PTPRD: variants seen among roughly 807,000 people sequenced by gnomAD.
PTPRD encodes receptor-type tyrosine-protein phosphatase delta.
PTPRD carries 34 observed loss-of-function variants against 214.5 expected under a neutral mutation model. The observed-to-expected ratio is 0.16, with a 90% confidence interval of 0.12 to 0.21. The LOEUF (loss-of-function observed/expected upper bound fraction) is 0.21. Among genes scored for constraint, PTPRD ranks in the 10% least tolerant of loss-of-function variants. PTPRD has a pLI of 1.00. For synonymous variants in PTPRD, 1,128 were observed against 845.7 expected (o/e 1.33, Z -5.79); for missense variants, 2,545 against 2,398.7 (o/e 1.06, Z -1.27).
intron 10 of PTPRD, among the ~76,000 whole-genome samples, chr9:9,159,099 C>T (rs1227307840): frequency 6.6e-6 from 1 of 152,186 alleles, no homozygotes; most frequent in Non-Finnish European, 1.5e-5. Flanking sequence ...TATCTAACTT[C>T]ACACTCAATA....
At chr9:10,210,522 G>A (rs2099510713) in intron 3 of PTPRD, among the ~76,000 whole-genome samples, 1 of 151,674 alleles carries the variant, frequency 6.6e-6, no homozygotes, top group Non-Finnish European at 1.5e-5. Context: ...CCAAGGAGGG[G>A]GGGCTTCTTG....
At chr9:8,632,810 C>T (rs571468720) in intron 14 of PTPRD, among the ~76,000 whole-genome samples, 48 of 152,066 alleles carry the variant, frequency 3.2e-4, no homozygotes, top group African/African-American at 1.1e-3. Flanking sequence ...AGAAAGATAA[C>T]AGACAAATAA....
chr9:9,683,257 C>T (rs2097107978), intron 7 of PTPRD, among the ~76,000 whole-genome samples: 1 of 151,640 alleles, frequency 6.6e-6, no homozygotes, highest in African/African-American at 2.4e-5. Context: ...ATTAGTGGTT[C>T]CCAATTAAAG....
chr9:9,892,922 G>A (rs1385538449), intron 5 of PTPRD, among the ~76,000 whole-genome samples: 1 of 152,012 alleles, frequency 6.6e-6, no homozygotes, highest in Admixed American at 6.6e-5. Context: ...AAAATAAAAG[G>A]AGAGATTCAT....
At chr9:8,534,385 A>T (rs7046918) in intron 14 of PTPRD, among the ~76,000 whole-genome samples, 1 of 151,794 alleles carries the variant, frequency 6.6e-6, no homozygotes, top group South Asian at 2.1e-4. Context: ...CCCAGGAGTG[A>T]ACCACTCAGT....
chr9:10,077,333 A>G (rs892409618), intron 3 of PTPRD, among the ~76,000 whole-genome samples: 1 of 152,164 alleles, frequency 6.6e-6, no homozygotes, highest in East Asian at 1.9e-4. Flanking sequence ...ATGCAAATGT[A>G]CTCTAGCTTC....
At chr9:10,367,614 G>C (rs2097539030) in intron 2 of PTPRD, among the ~76,000 whole-genome samples, 1 of 152,152 alleles carries the variant, frequency 6.6e-6, no homozygotes, top group Admixed American at 6.6e-5. Flanking sequence ...AAGGAGATAA[G>C]TCAATATGAA....
At chr9:9,814,404 T>C (rs2153553864) in intron 5 of PTPRD, among the ~76,000 whole-genome samples, 1 of 151,678 alleles carries the variant, frequency 6.6e-6, no homozygotes, top group Non-Finnish European at 1.5e-5. Context: ...AACCCCCCAC[T>C]ATAAAACCGT....
intron 2 of PTPRD, among the ~76,000 whole-genome samples, chr9:10,430,822 G>A (rs1191640102): frequency 2.6e-5 from 4 of 151,978 alleles, no homozygotes; most frequent in Non-Finnish European, 4.4e-5. Context: ...TCTTCCATAA[G>A]CCATCATACC....
chr9:9,501,175 G>A (rs1406271677), intron 8 of PTPRD, among the ~76,000 whole-genome samples: 1 of 151,942 alleles, frequency 6.6e-6, no homozygotes, highest in African/African-American at 2.4e-5. Flanking sequence ...CTTGAAATGT[G>A]AATGGATTAA....
At chr9:9,655,289 G>A (rs536478342) in intron 7 of PTPRD, among the ~76,000 whole-genome samples, 57 of 152,260 alleles carry the variant, frequency 3.7e-4, no homozygotes, top group African/African-American at 1.3e-3. Flanking sequence ...AATGCTCAAG[G>A]CTGGGTGCCA....
chr9:9,381,971 T>G (rs1314805959), intron 9 of PTPRD, among the ~76,000 whole-genome samples: 3 of 152,054 alleles, frequency 2.0e-5, no homozygotes, highest in Non-Finnish European at 4.4e-5. Context: ...CTATAGGTAG[T>G]ATGCACATTT....
intron 4 of PTPRD, among the ~76,000 whole-genome samples, chr9:9,955,876 A>G (rs1209426242): frequency 6.6e-6 from 1 of 152,126 alleles, no homozygotes; most frequent in African/African-American, 2.4e-5. Context: ...AAGATTTTCC[A>G]AAACTTAATG....
In PTPRD at chr9:8,317,106, A is replaced by C; in HGVS notation, c.*768T>G. 4.3e-6 allele frequency: 1 copy of C among 232,000 alleles called. No homozygotes were observed. Among genetic ancestry groups the C allele is most frequent in the Non-Finnish European group, 8.5e-6 (1 of 116,994 alleles). The allele number at this position is 232,000 out of a possible 1,614,324, so 14.4% of individuals were successfully genotyped here. Reference sequence around the variant, plus strand: ...TTCTCACCAATCAAAACTGAAGTGTAAAATTAATATATCTGACGAGACTGA... The same window carrying C: ...TTCTCACCAATCAAAACTGAAGTGTCAAATTAATATATCTGACGAGACTGA... On this transcript the variant is annotated 3_prime_UTR_variant, in exon 46 of 46. Transcript: ENST00000381196.
chr9:9,610,516 C>G (rs1271127170), intron 7 of PTPRD, among the ~76,000 whole-genome samples: 2 of 152,206 alleles, frequency 1.3e-5, no homozygotes, highest in South Asian at 2.1e-4. Flanking sequence ...ATTATATTTT[C>G]ATTGAATTTT....
chr9:9,589,322 A>G (rs1315484417), intron 7 of PTPRD, among the ~76,000 whole-genome samples: 2 of 149,456 alleles, frequency 1.3e-5, no homozygotes, highest in Non-Finnish European at 3.0e-5. Flanking sequence ...GGTTGCAGCT[A>G]TTTTTTTTTT....
chr9:8,878,092 T>TC (rs1299944393), intron 11 of PTPRD, among the ~76,000 whole-genome samples: 1 of 152,214 alleles, frequency 6.6e-6, no homozygotes, highest in Non-Finnish European at 1.5e-5. Flanking sequence ...TAGAAGTGGT[T>TC]TGTATTAATC....
Position 9,690,283 on chromosome 9 carries a change from C to G in PTPRD, c.-287+44250G>C, listed in dbSNP as rs146461830. On this transcript the variant is annotated intron_variant, in intron 7 of 45. Coordinates refer to ENST00000381196, the MANE Select transcript of PTPRD (RefSeq NM_002839.4). Reference sequence around the variant, plus strand: ...ATATACCTGTTGGCCATTTGTGTGTCTTCTTCTGAGAACTGTCTATTCAGA... The same window carrying G: ...ATATACCTGTTGGCCATTTGTGTGTGTTCTTCTGAGAACTGTCTATTCAGA... Among the ~76,000 whole-genome samples the G allele has an allele frequency of 8.6e-5, 13 of 151,984 alleles. No individual in the cohort carries two copies. In the East Asian group the frequency reaches 2.3e-3, roughly 27 times the overall value.
intron 2 of PTPRD, among the ~76,000 whole-genome samples, chr9:10,422,869 A>G (rs2098557757): frequency 6.6e-6 from 1 of 152,126 alleles, no homozygotes; most frequent in Non-Finnish European, 1.5e-5. Context: ...AGTGTAAACA[A>G]GTTCAACCAT....
Sources: gnomAD v4.1 joint callset for allele counts (sites outside exome capture counted in the v4.1 genomes callset) on GRCh38, gnomAD v4.1.1 for gene constraint, MANE v1.5 for transcripts, NCBI Gene and HGNC (gene_info 2026-07-23, HGNC 2026-07-21) for gene names.